Variants in DLG1 observed in about 807,000 individuals in gnomAD.
DLG1 encodes the protein disks large homolog 1.
In DLG1, 42 loss-of-function variants were observed where a neutral mutation model predicts 123.4. That is an observed-to-expected ratio of 0.34 (90% CI 0.27 to 0.44). The LOEUF (loss-of-function observed/expected upper bound fraction) is 0.44, where lower values mean the gene tolerates loss of function less well. DLG1 is among the 20% of genes least tolerant of loss of function. The pLI, the probability that DLG1 is intolerant of heterozygous loss-of-function variation, is 1.00. For missense variants in DLG1, 942 were observed against 1,082.6 expected, an observed-to-expected ratio of 0.87 and a Z score of 1.82; for synonymous variants, 317 against 356.2, an observed-to-expected ratio of 0.89 and a Z score of 1.24.
At chr3:197,294,657 C>CAAAAAAAA (rs71926647) in intron 3 of DLG1, among the ~76,000 whole-genome samples, 2 of 79,124 alleles carry the variant, frequency 2.5e-5, no homozygotes, top group Non-Finnish European at 4.9e-5. Flanking sequence ...GACTCTGCCT[C>CAAAAAAAA]AAAAAAAAAA....
chr3:197,127,454 AAAAATATATATATATATATATATAT>A (rs1780076068), intron 11 of DLG1, among the ~76,000 whole-genome samples: 1 of 19,562 alleles, frequency 5.1e-5, no homozygotes, highest in African/African-American at 2.0e-4. Flanking sequence ...AAAAAAAAAA[AAAAATATATATATATATATATATAT>A]ATATATATAT....
At chr3:197,187,387 C>T (rs1273975864) in intron 5 of DLG1, among the ~76,000 whole-genome samples, 1 of 152,132 alleles carries the variant, frequency 6.6e-6, no homozygotes, top group Admixed American at 6.5e-5. Context: ...CCATTTCTTA[C>T]AATTTTTTAA....
chr3:197,196,444 G>C (rs577957834), intron 4 of DLG1, among the ~76,000 whole-genome samples: 52 of 152,196 alleles, frequency 3.4e-4, no homozygotes, highest in South Asian at 2.3e-3. Flanking sequence ...CATAAACATA[G>C]AAAACCTAAC....
intron 23 of DLG1, among the ~76,000 whole-genome samples, chr3:197,055,437 C>G (rs935972834): frequency 1.3e-5 from 2 of 152,212 alleles, no homozygotes; most frequent in Non-Finnish European, 2.9e-5. Flanking sequence ...GGAAACTACA[C>G]ATTTAAATCT....
At chr3:197,101,211 G>A (rs1232842087) in intron 14 of DLG1, among the ~76,000 whole-genome samples, 2 of 152,120 alleles carry the variant, frequency 1.3e-5, no homozygotes, top group Non-Finnish European at 2.9e-5. Flanking sequence ...TTTAACAGTT[G>A]TGTAACTAGC....
At chr3:197,117,357 C>G (rs1178499652) in intron 12 of DLG1, among the ~76,000 whole-genome samples, 3 of 152,150 alleles carry the variant, frequency 2.0e-5, no homozygotes, top group African/African-American at 7.2e-5. Context: ...TAACTGAAAG[C>G]AGTGATTTGG....
chr3:197,049,647 G>C (rs925664092), intron 24 of DLG1, among the ~76,000 whole-genome samples: 1 of 150,424 alleles, frequency 6.6e-6, no homozygotes, highest in African/African-American at 2.4e-5. Flanking sequence ...AGCTACTCAG[G>C]AGGCTGAGGC....
intron 13 of DLG1, among the ~76,000 whole-genome samples, chr3:197,112,123 C>T (rs1770384257): frequency 6.6e-6 from 1 of 152,204 alleles, no homozygotes; most frequent in African/African-American, 2.4e-5. Context: ...GTTGTAGCTG[C>T]TCCACATCCT....
At chr3:197,199,360 T>G (rs576949326) in intron 4 of DLG1, among the ~76,000 whole-genome samples, 2 of 152,198 alleles carry the variant, frequency 1.3e-5, no homozygotes, top group Non-Finnish European at 2.9e-5. Flanking sequence ...AGTGAAAAAT[T>G]CCACATCTGA....
chr3:197,059,438 G>A (rs1284005794), intron 23 of DLG1, among the ~76,000 whole-genome samples: 1 of 152,032 alleles, frequency 6.6e-6, no homozygotes, highest in Non-Finnish European at 1.5e-5. Flanking sequence ...ATTTAGTCTA[G>A]TAGTCTATTA....
chr3:197,227,719 T>C (rs1395308674), intron 4 of DLG1, among the ~76,000 whole-genome samples: 2 of 152,214 alleles, frequency 1.3e-5, no homozygotes, highest in Non-Finnish European at 1.5e-5. Flanking sequence ...TCCAATTTCC[T>C]ACACAATTCT....
At chr3:197,256,944 C>T (rs1757143012) in intron 4 of DLG1, among the ~76,000 whole-genome samples, 1 of 149,772 alleles carries the variant, frequency 6.7e-6, no homozygotes, top group East Asian at 2.0e-4. Context: ...CATAATTATA[C>T]TTCAACACAG....
chr3:197,087,080 G>A (rs749511876), intron 15 of DLG1, among the ~76,000 whole-genome samples: 2 of 151,658 alleles, frequency 1.3e-5, no homozygotes, highest in Non-Finnish European at 2.9e-5. Flanking sequence ...CCCAACCCAA[G>A]ACTACACACA....
At chr3:197,128,277 C>T (rs549818864) in intron 11 of DLG1, among the ~76,000 whole-genome samples, 1 of 152,304 alleles carries the variant, frequency 6.6e-6, no homozygotes, top group East Asian at 1.9e-4. Context: ...ATCATCTTCA[C>T]CTACCAGGAT....
In DLG1 at chr3:197,065,811, TATAAAG is replaced by T; in HGVS notation, c.2099-8_2099-3del. The T allele has an allele frequency of 6.6e-7, 1 of 1,518,824 alleles. No individual in the cohort carries two copies. 94.1% of individuals were successfully genotyped at this position (1,518,824 alleles called of 1,614,324 possible). A position where few individuals can be genotyped will look rare whatever the true frequency, so the allele number is the denominator to read the frequency against. On this transcript the variant is annotated splice_polypyrimidine_tract_variant and splice_region_variant and intron_variant, in intron 20 of 24. Coordinates refer to ENST00000667157, the MANE Select transcript of DLG1 (RefSeq NM_001366207.1). ...TGATCACTGGTCGAGTATAATTAAC[TATAAAG>T]ATAAACTGCATGTTAAAAGGAATAA...
chr3:197,298,043 C>CT (rs1778390327), intron 1 of DLG1: 1 of 541,262 alleles, frequency 1.8e-6, no homozygotes, highest in African/African-American at 2.0e-5. Context: ...CGCCCAGTTG[C>CT]TGCCGCACGC....
At chr3:197,074,261 A>C (rs966129684) in intron 18 of DLG1, among the ~76,000 whole-genome samples, 1 of 152,166 alleles carries the variant, frequency 6.6e-6, no homozygotes, top group African/African-American at 2.4e-5. Flanking sequence ...TGAAGCACAG[A>C]AATCTATTAT....
At chr3:197,243,087 A>C (rs1399928782) in intron 4 of DLG1, among the ~76,000 whole-genome samples, 1 of 152,202 alleles carries the variant, frequency 6.6e-6, no homozygotes, top group Non-Finnish European at 1.5e-5. Flanking sequence ...CACACCAAAC[A>C]AAGGAAAGCA....
chr3:197,292,925 C>T (rs777890417), intron 3 of DLG1, among the ~76,000 whole-genome samples: 6 of 152,176 alleles, frequency 3.9e-5, no homozygotes, highest in Non-Finnish European at 5.9e-5. Flanking sequence ...TAAGAAATAA[C>T]TGCAGGGGTT....
Sources: gnomAD v4.1 joint callset for allele counts (sites outside exome capture counted in the v4.1 genomes callset) on GRCh38, gnomAD v4.1.1 for gene constraint, MANE v1.5 for transcripts, NCBI Gene and HGNC (gene_info 2026-07-23, HGNC 2026-07-21) for gene names.